FARP1: variants seen among roughly 807,000 people sequenced by gnomAD.
FARP1 encodes FERM, ARHGEF and pleckstrin domain-containing protein 1.
Under a neutral mutation model 128.8 loss-of-function variants are expected in FARP1, and 52 were observed. That is an observed-to-expected ratio of 0.40 (90% CI 0.32 to 0.51). The LOEUF is 0.51. Among genes scored for constraint, FARP1 ranks in the 20% least tolerant of loss-of-function variants. FARP1 has a pLI of 0.45. For missense variants in FARP1, 1,333 were observed against 1,367.9 expected (o/e 0.97, Z 0.40); for synonymous variants, 580 against 551.8 (o/e 1.05, Z -0.72).
intron 3 of FARP1, among the ~76,000 whole-genome samples, chr13:98,353,838 A>C (rs1888537689): frequency 6.6e-6 from 1 of 152,224 alleles, no homozygotes; most frequent in Admixed American, 6.5e-5. Context: ...AAATTTTGAG[A>C]GGGTAGATCT....
chr13:98,347,204 A>G (rs1362274828), intron 3 of FARP1, among the ~76,000 whole-genome samples: 3 of 152,160 alleles, frequency 2.0e-5, no homozygotes, highest in East Asian at 1.9e-4. Flanking sequence ...GAAGTGTTCC[A>G]AAAGCATTAT....
intron 26 of FARP1, chr13:98,447,310 G>A (rs1479475181): frequency 6.5e-6 from 1 of 154,262 alleles, no homozygotes; most frequent in Non-Finnish European, 1.4e-5. Context: ...GAAGGGGAGG[G>A]GTCCTCAGCA....
intron 2 of FARP1, among the ~76,000 whole-genome samples, chr13:98,229,685 CTT>C (rs10571699): frequency 0.21 from 29,460 of 140,356 alleles, 5,892 homozygotes; most frequent in African/African-American, 0.5. Flanking sequence ...TACTTTATTT[CTT>C]TTTTTTTTTT....
intron 2 of FARP1, among the ~76,000 whole-genome samples, chr13:98,293,556 G>A (rs1187117754): frequency 6.6e-6 from 1 of 152,202 alleles, no homozygotes; most frequent in Non-Finnish European, 1.5e-5. Flanking sequence ...CCCACAGAGA[G>A]GTTTGGAAGC....
chr13:98,147,834 A>C (rs200439816), intron 1 of FARP1, among the ~76,000 whole-genome samples: 3 of 986 alleles, frequency 3.0e-3, no homozygotes, highest in Non-Finnish European at 0.17. Flanking sequence ...TTTTTTCTTT[A>C]AAAAAATTTT....
intron 2 of FARP1, among the ~76,000 whole-genome samples, chr13:98,272,317 A>C (rs1378405072): frequency 6.6e-6 from 1 of 152,096 alleles, no homozygotes; most frequent in East Asian, 1.9e-4. Context: ...GGTGTGAGCC[A>C]CCTCTCCTGG....
intron 1 of FARP1, among the ~76,000 whole-genome samples, chr13:98,184,627 G>A (rs1466219909): frequency 3.9e-5 from 6 of 152,244 alleles, no homozygotes; most frequent in East Asian, 3.9e-4. Context: ...ACCAAAATGC[G>A]ATTGCCTGGA....
intron 2 of FARP1, among the ~76,000 whole-genome samples, chr13:98,216,966 G>T (rs1464666509): frequency 1.3e-5 from 2 of 152,200 alleles, no homozygotes; most frequent in Non-Finnish European, 2.9e-5. Flanking sequence ...CTTCCAACCA[G>T]AGGTTATGAA....
At chr13:98,161,464 G>A (rs561626647) in intron 1 of FARP1, among the ~76,000 whole-genome samples, 1 of 151,968 alleles carries the variant, frequency 6.6e-6, no homozygotes, top group African/African-American at 2.4e-5. Context: ...AGATCCGCCC[G>A]CCTCGGCCTT....
chr13:98,366,634 G>T (rs3858775), intron 4 of FARP1, among the ~76,000 whole-genome samples: 68,165 of 152,122 alleles, frequency 0.45, 16,819 homozygotes, highest in Non-Finnish European at 0.58. Context: ...TGCTGTGACA[G>T]GCCATGTGTG....
intron 24 of FARP1, among the ~76,000 whole-genome samples, chr13:98,442,157 G>A (rs1185415467): frequency 2.0e-5 from 3 of 152,198 alleles, no homozygotes; most frequent in Admixed American, 6.5e-5. Flanking sequence ...TGCTGCAGTC[G>A]AGGCAGGACT....
At chr13:98,365,329 A>G in intron 3 of FARP1, 66 bp from the exon 4 acceptor site, 1 of 1,270,018 alleles carries the variant, frequency 7.9e-7, no homozygotes, top group Non-Finnish European at 1.1e-6. Context: ...TTTAAACAAA[A>G]TCTCAAAATA....
chr13:98,296,299 G>A (rs1404816772), intron 2 of FARP1, among the ~76,000 whole-genome samples: 1 of 151,820 alleles, frequency 6.6e-6, no homozygotes, highest in Admixed American at 6.6e-5. Flanking sequence ...GTGGCCCCCC[G>A]ATTGCAGGTA....
intron 3 of FARP1, among the ~76,000 whole-genome samples, chr13:98,347,343 G>A (rs913476247): frequency 5.3e-5 from 8 of 152,126 alleles, no homozygotes; most frequent in African/African-American, 1.7e-4. Context: ...GTACTTTGTC[G>A]TAGAGCAGAT....
chr13:98,217,478 TG>T (rs1253541274), intron 2 of FARP1, among the ~76,000 whole-genome samples: 2 of 152,154 alleles, frequency 1.3e-5, no homozygotes, highest in African/African-American at 4.8e-5. Context: ...AAATGATCCT[TG>T]TAACTTTCTC....
At chr13:98,213,592 T>G (rs1352400879) in intron 2 of FARP1, among the ~76,000 whole-genome samples, 179 bp downstream of exon 2, 1 of 151,980 alleles carries the variant, frequency 6.6e-6, no homozygotes, top group Non-Finnish European at 1.5e-5. Context: ...AGCTCTCCAG[T>G]GTCTAGATTT....
rs573466704 is a variant in FARP1, at chr13:98,358,792, C to A, written c.277-6603C>A. ...TTGGGACTACAGGCACCTGCCACCA[C>A]GCCCGGCTAATTTTTTTTGTATTTT... On this transcript the variant is annotated intron_variant, in intron 3 of 26. Transcript: ENST00000319562. Among the ~76,000 whole-genome samples the A allele has an allele frequency of 7.2e-5, 11 of 152,150 alleles. No individual in the cohort carries two copies. In the East Asian group the frequency reaches 2.1e-3, roughly 29 times the overall value.
At chr13:98,351,883 C>A (rs2139912239) in intron 3 of FARP1, among the ~76,000 whole-genome samples, 1 of 152,226 alleles carries the variant, frequency 6.6e-6, no homozygotes, top group Non-Finnish European at 1.5e-5. Flanking sequence ...TCCCCGTGAA[C>A]CAGTCGCCTC....
At chr13:98,169,004 T>A (rs1877468247) in intron 1 of FARP1, among the ~76,000 whole-genome samples, 1 of 152,238 alleles carries the variant, frequency 6.6e-6, no homozygotes, top group Non-Finnish European at 1.5e-5. Flanking sequence ...TAATGCCCTA[T>A]GATAGTTTTC....
Sources: allele counts gnomAD v4.1 joint callset (sites outside exome capture counted in the v4.1 genomes callset), GRCh38; gene constraint gnomAD v4.1.1; transcripts MANE v1.5; gene names NCBI Gene and HGNC (gene_info 2026-07-23, HGNC 2026-07-21).